RBM17: variants seen among roughly 807,000 people sequenced by gnomAD.
RBM17 encodes the protein RNA binding motif protein 17.
RBM17 carries 7 observed loss-of-function variants against 53.2 expected under a neutral mutation model. The observed-to-expected ratio is 0.13, with a 90% CI of 0.07 to 0.25. The LOEUF is 0.25. RBM17 is among the 10% of genes least tolerant of loss of function. The pLI is 1.00. For synonymous variants in RBM17, 167 were observed against 178.1 expected, an observed-to-expected ratio of 0.94 and a Z score of 0.50; for missense variants, 257 against 496.7, an observed-to-expected ratio of 0.52 and a Z score of 4.59.
chr10:6,102,676 T>C (rs553682938), intron 3 of RBM17, among the ~76,000 whole-genome samples: 5 of 152,362 alleles, frequency 3.3e-5, no homozygotes, highest in Admixed American at 3.3e-4. Flanking sequence ...TACATAGTTT[T>C]CACGATCAGT....
intron 2 of RBM17, among the ~76,000 whole-genome samples, chr10:6,098,167 G>A (rs73605977): frequency 0.049 from 7,503 of 152,200 alleles, 635 homozygotes; most frequent in African/African-American, 0.17. Context: ...ATGTTCTAGA[G>A]TATGCATTCG....
intron 5 of RBM17, among the ~76,000 whole-genome samples, chr10:6,107,386 C>T (rs1343435658): frequency 6.6e-6 from 1 of 151,600 alleles, no homozygotes. Context: ...CCATGTTTGC[C>T]AGGCTGGTCT....
chr10:6,104,780 G>A, intron 3 of RBM17, 151 bp from the exon 4 acceptor site: 1 of 610,108 alleles, frequency 1.6e-6, no homozygotes, highest in East Asian at 2.8e-5. Context: ...ACGTGGCCTT[G>A]TCTGGTATTT....
intron 3 of RBM17, among the ~76,000 whole-genome samples, chr10:6,104,057 G>A (rs1280898937): frequency 1.3e-5 from 2 of 152,164 alleles, no homozygotes; most frequent in Middle Eastern, 3.2e-3. Context: ...AGATAATAAC[G>A]AAGAATTATG....
At chr10:6,110,582 A>C (rs975276565) in intron 7 of RBM17, among the ~76,000 whole-genome samples, 1 of 152,204 alleles carries the variant, frequency 6.6e-6, no homozygotes, top group African/African-American at 2.4e-5. Flanking sequence ...GTTTGCCAGC[A>C]TATAAAATTT....
chr10:6,091,013 T>TTATATATTTATATATATTTA (rs371047214), intron 1 of RBM17, among the ~76,000 whole-genome samples: 10 of 113,878 alleles, frequency 8.8e-5, no homozygotes, highest in South Asian at 6.3e-4. Flanking sequence ...ATATAAATAT[T>TTATATATTTATATATATTTA]TATATATTTA....
Position 6,112,029 on chromosome 10 carries a change from T to G in RBM17, c.705-181T>G, listed in dbSNP as rs1368785930. Among the ~76,000 whole-genome samples, 1 of 152,170 alleles carries G rather than the reference T, an allele frequency of 6.6e-6. No homozygotes were observed. Among genetic ancestry groups the G allele is most frequent in the African/African-American group, 2.4e-5 (1 of 41,432 alleles). ...TTATTCATAGCTTTTTCTATTTCTT[T>G]CATGCTGCACATCCCCACAGCTTCC... On this transcript the variant is annotated intron_variant, in intron 7 of 11. Coordinates refer to ENST00000379888, the MANE Select transcript of RBM17 (RefSeq NM_032905.5). This position sits in a 1 kb window ranked among gnomAD's most constrained non-coding sequence, Gnocchi z 4.4.
intron 2 of RBM17, among the ~76,000 whole-genome samples, chr10:6,099,784 G>A (rs1484043952): frequency 2.0e-5 from 3 of 152,136 alleles, no homozygotes; most frequent in East Asian, 1.9e-4. Context: ...CTGGCTGGGC[G>A]TGGTGGCTCA....
rs1156299631 is a variant in RBM17, at chr10:6,115,712, G to A, written c.*156G>A. 1 of 499,840 alleles carries A rather than the reference G, an allele frequency of 2.0e-6. No individual in the cohort carries two copies. Among genetic ancestry groups the A allele is most frequent in the Admixed American group, 3.6e-5 (1 of 28,154 alleles). 31.0% of individuals were successfully genotyped at this position (499,840 alleles called of 1,614,324 possible). On this transcript the variant is annotated 3_prime_UTR_variant, in exon 12 of 12. Transcript: ENST00000379888. ...TGTTGATTGATCCCTTTTTTATTTT[G>A]TGGTTTTTTAATATAGTATAAAAAT...
At chr10:6,106,014 A>G (rs909683148) in intron 4 of RBM17, 127 bp from the exon 5 acceptor site, 78 of 641,262 alleles carry the variant, frequency 1.2e-4, no homozygotes, top group Non-Finnish European at 2.6e-5. Context: ...TACCCCCTCT[A>G]CCCCTGCAAC....
intron 6 of RBM17, among the ~76,000 whole-genome samples, chr10:6,109,410 A>G (rs1840803986): frequency 1.3e-5 from 2 of 152,364 alleles, no homozygotes; most frequent in Middle Eastern, 3.4e-3. Context: ...TGAAATACCT[A>G]TTATGTGAAA....
intron 2 of RBM17, among the ~76,000 whole-genome samples, chr10:6,098,123 G>A (rs1191266759): frequency 6.6e-6 from 1 of 152,150 alleles, no homozygotes; most frequent in African/African-American, 2.4e-5. Context: ...CATGAGAATG[G>A]TATTATGGTT....
In RBM17 at chr10:6,113,026, G is replaced by A. The variant is rs936995822; in HGVS notation, c.857-482G>A. 4 of 167,134 alleles carry A rather than the reference G, an allele frequency of 2.4e-5. No homozygotes were observed. In the East Asian group the frequency reaches 6.7e-4, roughly 28 times the overall value. The allele number at this position is 167,134 out of a possible 1,614,324, so 10.4% of individuals were successfully genotyped here. A position where few individuals can be genotyped will look rare whatever the true frequency, so the allele number is the denominator to read the frequency against. The stretch of plus-strand genomic sequence containing the variant: ...AAGAAAGAAGAAAACTTTTCTGGCA[G>A]CCCCGTTCATGCACAGCTTAGGATA... On this transcript the variant is annotated intron_variant, in intron 8 of 11. Coordinates refer to ENST00000379888, the MANE Select transcript of RBM17 (RefSeq NM_032905.5).
intron 5 of RBM17, among the ~76,000 whole-genome samples, chr10:6,106,934 C>T (rs7904213): frequency 0.28 from 42,303 of 152,018 alleles, 6,618 homozygotes; most frequent in Non-Finnish European, 0.37. Flanking sequence ...TAGCAGATTT[C>T]CAGTAATCAC....
chr10:6,101,168 C>G, intron 2 of RBM17, 103 bp from the exon 3 acceptor site: 2 of 572,430 alleles, frequency 3.5e-6, no homozygotes, highest in Non-Finnish European at 6.1e-6. Flanking sequence ...TTTCTCATAT[C>G]TCAAAGGTTT....
intron 1 of RBM17, among the ~76,000 whole-genome samples, chr10:6,093,371 C>T (rs1468626575): frequency 6.6e-6 from 1 of 152,108 alleles, no homozygotes; most frequent in African/African-American, 2.4e-5. Flanking sequence ...AGGCGTGCAG[C>T]ACCACACCTG....
Position 6,090,852 on chromosome 10 carries a change from T to C in RBM17, c.-19+1659T>C, listed in dbSNP as rs533892094. ...CTGACAAGGGCGTCAGATGGAGGTATGGGAAAAATTTTTTTTTAATTCTTT... is the reference window on the plus strand; with the variant it reads ...CTGACAAGGGCGTCAGATGGAGGTACGGGAAAAATTTTTTTTTAATTCTTT... On this transcript the variant is annotated intron_variant, in intron 1 of 11. Transcript: ENST00000379888. 2.0e-4 allele frequency among the ~76,000 whole-genome samples: 29 copies of C among 144,446 alleles called. No homozygotes were observed. The East Asian group carries it at 5.7e-3, about 29-fold the overall frequency. The allele number at this position is 144,446 out of a possible 152,430, so 94.8% of individuals were successfully genotyped here.
At chr10:6,111,723 A>AT (rs1417433220) in intron 7 of RBM17, among the ~76,000 whole-genome samples, 1 of 152,088 alleles carries the variant, frequency 6.6e-6, no homozygotes, top group Non-Finnish European at 1.5e-5. Flanking sequence ...GCCTCCGTTT[A>AT]TTTCTCATTT....
intron 1 of RBM17, among the ~76,000 whole-genome samples, chr10:6,092,541 A>G (rs1003216817): frequency 6.6e-6 from 1 of 152,216 alleles, no homozygotes; most frequent in Non-Finnish European, 1.5e-5. Flanking sequence ...GGGGAGTAGT[A>G]TGGTTGAGTG....
Sources: allele counts gnomAD v4.1 joint callset (sites outside exome capture counted in the v4.1 genomes callset), GRCh38; gene constraint gnomAD v4.1.1; non-coding constraint Gnocchi (gnomAD v3.1); transcripts MANE v1.5; gene names NCBI Gene and HGNC (gene_info 2026-07-23, HGNC 2026-07-21).